PGAP4: variants seen among roughly 807,000 people sequenced by gnomAD.
PGAP4 encodes post-GPI attachment to proteins GalNAc transferase 4.
A neutral mutation model predicts 28.2 loss-of-function variants in PGAP4; 12 were observed. The observed-to-expected ratio is 0.42, with a 90% CI of 0.27 to 0.69. The LOEUF (loss-of-function observed/expected upper bound fraction) is 0.69. Among genes scored for constraint, PGAP4 ranks in the 30% least tolerant of loss-of-function variants. The pLI, the probability that PGAP4 is intolerant of heterozygous loss-of-function variation, is 0.22. For synonymous variants in PGAP4, 205 were observed against 211.8 expected (o/e 0.97, Z 0.28); for missense variants, 425 against 513.5 (o/e 0.83, Z 1.67).
intron 2 of PGAP4, among the ~76,000 whole-genome samples, chr9:101,526,037 G>T (rs898936068): frequency 6.6e-6 from 1 of 150,750 alleles, no homozygotes; most frequent in African/African-American, 2.4e-5. Context: ...TTAGGCTTTT[G>T]GTACAAATTG....
intron 1 of PGAP4, among the ~76,000 whole-genome samples, chr9:101,482,488 C>CTT (rs1826516899): frequency 1.3e-5 from 2 of 152,216 alleles, no homozygotes; most frequent in African/African-American, 4.8e-5. Flanking sequence ...GCATAGGACA[C>CTT]TGTGCAAATG....
intron 2 of PGAP4, among the ~76,000 whole-genome samples, chr9:101,504,368 G>C (rs1040649561): frequency 6.6e-6 from 1 of 151,690 alleles, no homozygotes; most frequent in Non-Finnish European, 1.5e-5. Flanking sequence ...CCTGGTTCAT[G>C]AGTCACTAAT....
chr9:101,527,180 T>G lies in PGAP4; in HGVS notation c.-165+4168A>C, dbSNP rs535819386. On this transcript the variant is annotated intron_variant, in intron 2 of 3. Coordinates refer to the PGAP4 transcript ENST00000374851. ...GGCAGCCCCACCTGGAAGGGCTTTATAAGCGCTGAGATTCTGGAGGCAGTC... is the reference window on the plus strand; with the variant it reads ...GGCAGCCCCACCTGGAAGGGCTTTAGAAGCGCTGAGATTCTGGAGGCAGTC... Among the ~76,000 whole-genome samples, 284 of 152,368 alleles carry G rather than the reference T, an allele frequency of 1.9e-3. 2 individuals are homozygous for G. The highest frequency in any genetic ancestry group is 6.5e-3 in the African/African-American group (270 of 41,590).
upstream of PGAP4, among the ~76,000 whole-genome samples, chr9:101,487,827 T>C (rs536749813): frequency 6.6e-6 from 1 of 152,174 alleles, no homozygotes; most frequent in South Asian, 2.1e-4. Context: ...AATTCAAAAT[T>C]TGATGATCGT....
upstream of PGAP4, chr9:101,489,061 T>C (rs940031352): frequency 7.2e-5 from 11 of 152,200 alleles, no homozygotes; most frequent in African/African-American, 2.7e-4. Context: ...TGCTTTTTAC[T>C]AACTCTTAAT....
chr9:101,476,751 G>A lies in PGAP4; in HGVS notation c.342C>T (p.Gly114=). The A allele has an allele frequency of 6.2e-7, 1 of 1,613,776 alleles. No individual in the cohort carries two copies. Among genetic ancestry groups the A allele is most frequent in the South Asian group, 1.1e-5 (1 of 91,042 alleles). Reference sequence around the variant, plus strand: ...ACACAACCTGCAGGACGTAGTGGAAGCCAGGCTGCCTGTCCACAGTGATGA... The same window carrying A: ...ACACAACCTGCAGGACGTAGTGGAAACCAGGCTGCCTGTCCACAGTGATGA... ...ITIITVDRQP[G]FHYVLQVVSQ... Residue 114 remains glycine, a synonymous_variant, in exon 2 of 2, where the codon GGC becomes GGT. Transcript: ENST00000374848. This position sits in a 1 kb window ranked among gnomAD's most constrained non-coding sequence, Gnocchi z 7.0.
At chr9:101,517,498 T>C (rs945747054) in intron 2 of PGAP4, among the ~76,000 whole-genome samples, 1 of 152,092 alleles carries the variant, frequency 6.6e-6, no homozygotes, top group Non-Finnish European at 1.5e-5. Context: ...AAATAAGATA[T>C]CAAGTTTTAA....
At chr9:101,484,447 G>T (rs1826567676) in intron 1 of PGAP4, among the ~76,000 whole-genome samples, 1 of 152,180 alleles carries the variant, frequency 6.6e-6, no homozygotes, top group Non-Finnish European at 1.5e-5. Context: ...AGCTAGGTTT[G>T]TGCTTTGGAC....
intron 2 of PGAP4, among the ~76,000 whole-genome samples, chr9:101,526,874 C>T (rs1827039674): frequency 6.6e-6 from 1 of 152,080 alleles, no homozygotes; most frequent in African/African-American, 2.4e-5. Flanking sequence ...TCCATTTTTC[C>T]AAAGTAAATG....
At chr9:101,508,130 T>C (rs962309605) in intron 2 of PGAP4, among the ~76,000 whole-genome samples, 18 of 63,394 alleles carry the variant, frequency 2.8e-4, no homozygotes, top group African/African-American at 7.8e-4. Context: ...TTGAGTGTTT[T>C]TTTTTTTTTT....
rs185200471 is a variant in PGAP4 at position 101,503,914 on chromosome 9, C to T, written c.-164-14714G>A. The stretch of plus-strand genomic sequence containing the variant: ...GTTGTTAAATAAAATTTATAGGAGG[C>T]CATTGTTTTGGACTGAGCTCCTGCA... On this transcript the variant is annotated intron_variant, in intron 2 of 3. Coordinates refer to the PGAP4 transcript ENST00000374851. 1.1e-4 allele frequency among the ~76,000 whole-genome samples: 16 copies of T among 152,054 alleles called. 1 individual carries two copies. In the East Asian group the frequency reaches 2.9e-3, roughly 28 times the overall value.
In PGAP4 at chr9:101,476,651, G is replaced by T. The variant is rs565590120; in HGVS notation, c.442C>A (p.Arg148Ser). The T allele has an allele frequency of 3.7e-6, 6 of 1,614,164 alleles. No homozygotes were observed. In the South Asian group the frequency reaches 4.4e-5, roughly 12 times the overall value. ...GHQLFLCNVE[R>S]SVSHFDAKLL... The stretch of plus-strand genomic sequence containing the variant: ...TTGGCATCAAAATGGCTCACACTAC[G>T]CTCCACGTTGCACAGGAAGAGTTGG... Residue 148 changes from arginine to serine, a missense_variant, in exon 2 of 2, where the codon CGT becomes AGT. By Grantham distance (110) the Arg-to-Ser change is moderately radical. Transcript: ENST00000374848. This position sits in a 1 kb window ranked among gnomAD's most constrained non-coding sequence, Gnocchi z 7.0.
At chr9:101,528,065 CCAGGGT>C (rs1827050886) in intron 2 of PGAP4, among the ~76,000 whole-genome samples, 1 of 152,106 alleles carries the variant, frequency 6.6e-6, no homozygotes, top group South Asian at 2.1e-4. Flanking sequence ...GCACAATTAC[CCAGGGT>C]CAGGAAAAGA....
chr9:101,516,977 T>C (rs1401793867), intron 2 of PGAP4, among the ~76,000 whole-genome samples: 3 of 152,198 alleles, frequency 2.0e-5, no homozygotes, highest in Non-Finnish European at 4.4e-5. Flanking sequence ...ATCTATCTCT[T>C]ATTTACATGC....
At chr9:101,524,464 T>A (rs1476295448) in intron 2 of PGAP4, among the ~76,000 whole-genome samples, 1 of 152,184 alleles carries the variant, frequency 6.6e-6, no homozygotes, top group East Asian at 1.9e-4. Flanking sequence ...CACACCAGAT[T>A]TGCCCTGCCC....
At chr9:101,533,650 G>A (rs1174502465), upstream of PGAP4, 2 of 152,260 alleles carry the variant, frequency 1.3e-5, no homozygotes, top group East Asian at 1.9e-4. Flanking sequence ...AGGCATCAGC[G>A]AGGCCCGAGT....
intron 2 of PGAP4, among the ~76,000 whole-genome samples, chr9:101,517,955 T>C (rs942494930): frequency 2.0e-5 from 3 of 152,162 alleles, no homozygotes; most frequent in African/African-American, 7.2e-5. Context: ...TGTGTGACAC[T>C]GAGATTTGAG....
At chr9:101,493,298 A>C (rs1268063302) in intron 2 of PGAP4, among the ~76,000 whole-genome samples, 1 of 151,226 alleles carries the variant, frequency 6.6e-6, no homozygotes, top group Non-Finnish European at 1.5e-5. Context: ...CACTAAGTGC[A>C]GTCTTATCTT....
chr9:101,476,237 G>A lies in PGAP4; in HGVS notation c.856C>T (p.Arg286Cys), dbSNP rs376517979. 2.8e-5 allele frequency: 45 copies of A among 1,613,980 alleles called. No homozygotes were observed. The highest frequency in any genetic ancestry group is 5.0e-5 in the Admixed American group (3 of 59,988). Residue 286 changes from arginine to cysteine, a missense_variant, in exon 2 of 2, where the codon CGC becomes TGC. By Grantham distance (180) the Arg-to-Cys change is radical. Coordinates refer to ENST00000374848, the MANE Select transcript of PGAP4 (RefSeq NM_032342.3). This position sits in a 1 kb window ranked among gnomAD's most constrained non-coding sequence, Gnocchi z 7.0. ...LTWIYMRFAS[R>C]PGFSWPVMLF... is the part of the protein sequence containing the mutation. ...ATTACAGGCCAGCTAAACCCTGGGCGGCTGGCAAACCTCATGTATATCCAG... is the reference window on the plus strand; with the variant it reads ...ATTACAGGCCAGCTAAACCCTGGGCAGCTGGCAAACCTCATGTATATCCAG...
Sources: allele counts gnomAD v4.1 joint callset (sites outside exome capture counted in the v4.1 genomes callset), GRCh38; gene constraint gnomAD v4.1.1; non-coding constraint Gnocchi (gnomAD v3.1); transcripts MANE v1.5; gene names NCBI Gene and HGNC (gene_info 2026-07-23, HGNC 2026-07-21).